Variants in UNC80 observed in about 807,000 individuals in gnomAD.
The protein encoded by UNC80 is unc-80 subunit of NALCN channel complex, also known as protein unc-80 homolog.
In UNC80, 164 loss-of-function variants were observed where a neutral mutation model predicts 384.6. The observed-to-expected ratio is 0.43, with a 90% CI of 0.38 to 0.49. UNC80 has a LOEUF of 0.49. UNC80 is among the 20% of genes least tolerant of loss of function. The pLI is 0.00. For synonymous variants in UNC80, 1,486 were observed against 1,527.8 expected (o/e 0.97, Z 0.64); for missense variants, 3,330 against 4,143.0 (o/e 0.80, Z 5.39).
At chr2:209,842,316 A>T (rs369120254) in intron 20 of UNC80, 34 bp from the exon 21 acceptor site, 2 of 1,455,398 alleles carry the variant, frequency 1.4e-6, no homozygotes, top group Admixed American at 4.3e-5. Flanking sequence ...TTTGAATCTT[A>T]TCTCTCTACT....
chr2:209,921,433 C>A, intron 33 of UNC80, 67 bp from the exon 34 acceptor site: 1 of 1,405,154 alleles, frequency 7.1e-7, no homozygotes, highest in Admixed American at 2.7e-5. Flanking sequence ...TTCATTGGAA[C>A]ACTCTTTATG....
chr2:209,805,728 C>CTATAACCTAATCTTT (rs1451094223), intron 7 of UNC80, among the ~76,000 whole-genome samples: 9 of 151,842 alleles, frequency 5.9e-5, no homozygotes, highest in Middle Eastern at 3.2e-3. Context: ...ACCTAATCTT[C>CTATAACCTAATCTTT]TATAACCTAA....
intron 22 of UNC80, among the ~76,000 whole-genome samples, chr2:209,854,665 A>G (rs1482551856): frequency 2.0e-5 from 3 of 152,178 alleles, no homozygotes; most frequent in African/African-American, 7.2e-5. Context: ...AAAAGAAAAC[A>G]TTTATGTGGC....
At chr2:209,776,177 A>G in intron 3 of UNC80, 132 bp downstream of exon 3, 2 of 1,165,642 alleles carry the variant, frequency 1.7e-6, no homozygotes, top group Non-Finnish European at 2.3e-6. Context: ...AATTATCACA[A>G]AATCCTCCTC....
intron 62 of UNC80, 50 bp downstream of exon 62, chr2:209,992,297 C>T: frequency 1.3e-6 from 2 of 1,514,334 alleles, no homozygotes; most frequent in Non-Finnish European, 1.8e-6. Context: ...ATTGGAAGCT[C>T]TGTGTGATTT....
chr2:209,976,059 G>T lies in UNC80; in HGVS notation c.8588-60G>T. 6.7e-7 allele frequency: 1 copy of T among 1,493,040 alleles called. No homozygotes were observed. The highest frequency in any genetic ancestry group is 8.9e-7 in the Non-Finnish European group (1 of 1,120,436). The allele number at this position is 1,493,040 out of a possible 1,614,324, so 92.5% of individuals were successfully genotyped here. On this transcript the variant is annotated intron_variant, in intron 56 of 64. Coordinates refer to ENST00000673920, the MANE Select transcript of UNC80 (RefSeq NM_001371986.1). This position sits in a 1 kb window ranked among gnomAD's most constrained non-coding sequence, Gnocchi z 4.3. Reference sequence around the variant, plus strand: ...AGGTGCATAAAGGGCTCTGGATGTAGGTTGGGTTCCTCGGAAGCACACGTC... The same window carrying T: ...AGGTGCATAAAGGGCTCTGGATGTATGTTGGGTTCCTCGGAAGCACACGTC...
At chr2:209,857,554 G>A (rs1425148271) in intron 22 of UNC80, among the ~76,000 whole-genome samples, 2 of 151,698 alleles carry the variant, frequency 1.3e-5, no homozygotes, top group African/African-American at 4.8e-5. Flanking sequence ...TCTATTGTAT[G>A]TTCTCTAATT....
intron 63 of UNC80, 30 bp downstream of exon 63, chr2:209,993,456 A>G: frequency 1.3e-6 from 2 of 1,531,098 alleles, no homozygotes; most frequent in Non-Finnish European, 1.8e-6. Context: ...TTCTGACTAT[A>G]CCATTGACAT....
chr2:209,937,515 T>C lies in UNC80; in HGVS notation c.6364-14T>C, dbSNP rs912508407. 2.3e-5 allele frequency: 35 copies of C among 1,530,044 alleles called. No homozygotes were observed. In the Admixed American group the frequency reaches 2.6e-4, roughly 11 times the overall value. The allele number at this position is 1,530,044 out of a possible 1,614,324, so 94.8% of individuals were successfully genotyped here. A position where few individuals can be genotyped will look rare whatever the true frequency, so the allele number is the denominator to read the frequency against. ...TTGAACTCTTTTTTTTGTCTCTTTA[T>C]GTAATCCACACAGACCTATGTTCGA... On this transcript the variant is annotated splice_polypyrimidine_tract_variant and intron_variant, in intron 41 of 64. Coordinates refer to ENST00000673920, the MANE Select transcript of UNC80 (RefSeq NM_001371986.1).
At chr2:209,813,904 T>TC in intron 8 of UNC80, 63 bp downstream of exon 8, 1 of 1,516,596 alleles carries the variant, frequency 6.6e-7, no homozygotes, top group Non-Finnish European at 8.9e-7. Flanking sequence ...ATTCTTTTTT[T>TC]CTCTGTGCAT....
chr2:209,894,342 A>G lies in UNC80; in HGVS notation c.4456A>G (p.Ser1486Gly), dbSNP rs2086617698. ...SEAEELQLSQ[S>G]RDTVTDLEGS... The stretch of plus-strand genomic sequence containing the variant: ...GGCTGAGGAGCTGCAGCTGTCCCAG[A>G]GCAGGGACACTGTCACTGACCTAGG... The change falls in exon 27 of 65, where the codon AGC becomes GGC. Residue 1486 changes from serine to glycine, a missense_variant. Physicochemically the swap from Ser to Gly is moderately conservative, Grantham distance 56. Around this residue, in one of 8 missense-constraint regions of UNC80, gnomAD observed 801 missense variants for 950.8 expected, o/e 0.84. Transcript: ENST00000673920. 3 of 985,324 alleles carry G rather than the reference A, an allele frequency of 3.0e-6. No individual in the cohort carries two copies. Among genetic ancestry groups the G allele is most frequent in the Non-Finnish European group, 3.6e-6 (3 of 829,906 alleles). 61.0% of individuals were successfully genotyped at this position (985,324 alleles called of 1,614,324 possible). A position where few individuals can be genotyped will look rare whatever the true frequency, so the allele number is the denominator to read the frequency against.
intron 30 of UNC80, 33 bp from the exon 31 acceptor site, chr2:209,913,769 A>G (rs1381523616): frequency 6.5e-7 from 1 of 1,528,762 alleles, no homozygotes; most frequent in Middle Eastern, 1.7e-4. Flanking sequence ...CTGTCTTAAA[A>G]GATTTTAAAA....
chr2:209,933,944 C>G lies in UNC80; in HGVS notation c.6117C>G (p.Leu2039=). The G allele has an allele frequency of 6.4e-7, 1 of 1,550,860 alleles. No individual in the cohort carries two copies. Among genetic ancestry groups the G allele is most frequent in the Non-Finnish European group, 8.7e-7 (1 of 1,146,830 alleles). Residue 2039 remains leucine (L), a synonymous_variant, in exon 39 of 65, where the codon CTC becomes CTG. Coordinates refer to ENST00000673920, the MANE Select transcript of UNC80 (RefSeq NM_001371986.1). ...GYVEGLFFKD[L]KQTMKKEQCE... is the part of the protein sequence containing the mutation. ...TGGAGGGCCTCTTCTTCAAGGATCT[C>G]AAGCAGACGATGAAGAAGGAGCAGT...
intron 2 of UNC80, among the ~76,000 whole-genome samples, chr2:209,774,542 T>G (rs1446119864): frequency 6.6e-6 from 1 of 152,186 alleles, no homozygotes; most frequent in African/African-American, 2.4e-5. Context: ...TTAAAAGTTG[T>G]ATTAGTGACA....
In UNC80 at chr2:209,977,098, T is replaced by C. The variant is rs1290655378; in HGVS notation, c.8938+20T>C. On this transcript the variant is annotated intron_variant, in intron 58 of 64. Transcript: ENST00000673920. ...GATCAGGTGAGTGTGCATGAGAGTG[T>C]TGTGAATTTGTTTGACTAATGGAAC... 6.8e-7 allele frequency: 1 copy of C among 1,466,918 alleles called. No homozygotes were observed. The highest frequency in any genetic ancestry group is 1.4e-5 in the African/African-American group (1 of 71,978). 90.9% of individuals were successfully genotyped at this position (1,466,918 alleles called of 1,614,324 possible).
chr2:209,831,541 A>C lies in UNC80; in HGVS notation c.2725A>C (p.Ile909Leu). ...IIVSAMFKSLITRCASTTHEL... is the reference protein window; with the variant it reads ...IIVSAMFKSLLTRCASTTHEL... Reference sequence around the variant, plus strand: ...CGTCAGCGCCATGTTTAAATCCCTCATCACACGCTGCGCTTCAACCACACA... The same window carrying C: ...CGTCAGCGCCATGTTTAAATCCCTCCTCACACGCTGCGCTTCAACCACACA... The change falls in exon 16 of 65, where the codon ATC becomes CTC. Residue 909 changes from isoleucine to leucine, a missense_variant. Physicochemically the swap from Ile to Leu is conservative, Grantham distance 5. Around this residue, in one of 8 missense-constraint regions of UNC80, gnomAD observed 937 missense variants for 1,026.8 expected, o/e 0.91. Transcript: ENST00000673920. 1.9e-6 allele frequency: 3 copies of C among 1,550,984 alleles called. No individual in the cohort carries two copies. Among genetic ancestry groups the C allele is most frequent in the Non-Finnish European group, 2.6e-6 (3 of 1,146,680 alleles).
chr2:209,957,535 A>AAAACT (rs1252481101), intron 48 of UNC80, 109 bp from the exon 49 acceptor site: 1 of 1,030,600 alleles, frequency 9.7e-7, no homozygotes, highest in Non-Finnish European at 1.4e-6. Context: ...TGAAGACTCT[A>AAAACT]AAACTAACTT....
At chr2:209,938,103 A>T (rs1338654833) in intron 42 of UNC80, among the ~76,000 whole-genome samples, 1 of 152,092 alleles carries the variant, frequency 6.6e-6, no homozygotes, top group Non-Finnish European at 1.5e-5. Flanking sequence ...CTGACCAGGG[A>T]TCTGACCTTG....
chr2:209,917,053 A>T (rs2089601816), intron 31 of UNC80, among the ~76,000 whole-genome samples: 1 of 152,170 alleles, frequency 6.6e-6, no homozygotes, highest in South Asian at 2.1e-4. Flanking sequence ...ATTTAACCCC[A>T]TTTCTTCTGG....
Sources: allele counts gnomAD v4.1 joint callset (sites outside exome capture counted in the v4.1 genomes callset), GRCh38; gene constraint gnomAD v4.1.1; regional missense constraint gnomAD v4.1.1; non-coding constraint Gnocchi (gnomAD v3.1); transcripts MANE v1.5; gene names NCBI Gene and HGNC (gene_info 2026-07-23, HGNC 2026-07-21).